Variants in CCDC60 observed in about 807,000 individuals in gnomAD.
CCDC60 encodes coiled-coil domain-containing protein 60.
In CCDC60, 54 loss-of-function variants were observed where a neutral mutation model predicts 63.5. The observed-to-expected ratio is 0.85, with a 90% CI of 0.68 to 1.07. The LOEUF is 1.07. Ranked by LOEUF, CCDC60 falls within the 50% of genes least tolerant of loss-of-function variation. The pLI, the probability that CCDC60 is intolerant of heterozygous loss-of-function variation, is 0.00. For missense variants in CCDC60, 651 were observed against 684.3 expected, an observed-to-expected ratio of 0.95 and a Z score of 0.54; for synonymous variants, 206 against 238.8, an observed-to-expected ratio of 0.86 and a Z score of 1.27.
chr12:119,394,343 C>G (rs551730799), intron 1 of CCDC60, among the ~76,000 whole-genome samples: 14 of 152,278 alleles, frequency 9.2e-5, no homozygotes, highest in Admixed American at 9.1e-4. Flanking sequence ...TCTCCTTTTT[C>G]TTCTTAAAAG....
intron 1 of CCDC60, among the ~76,000 whole-genome samples, chr12:119,414,632 C>T (rs1444006324): frequency 6.6e-6 from 1 of 152,094 alleles, no homozygotes; most frequent in Non-Finnish European, 1.5e-5. Flanking sequence ...CTCACCACAA[C>T]CTCAAACTCT....
chr12:119,495,863 G>A (rs1951705696), intron 5 of CCDC60, among the ~76,000 whole-genome samples: 1 of 152,226 alleles, frequency 6.6e-6, no homozygotes, highest in African/African-American at 2.4e-5. Flanking sequence ...GATACTTTGA[G>A]ATAGCAATGT....
intron 2 of CCDC60, among the ~76,000 whole-genome samples, chr12:119,463,978 CCTTT>C (rs1402582863): frequency 2.8e-4 from 42 of 152,062 alleles, no homozygotes; most frequent in Admixed American, 2.8e-3. Context: ...TTCCTCTCTT[CCTTT>C]CTTTTTTCCT....
rs78283365 is a variant in CCDC60 at position 119,519,944 on chromosome 12, C to G, written c.969-177C>G. Among the ~76,000 whole-genome samples the G allele has an allele frequency of 8.6e-3, 1,310 of 151,992 alleles. 14 individuals are homozygous for G. The highest frequency in any genetic ancestry group is 0.03 in the African/African-American group (1,238 of 41,416). On this transcript the variant is annotated intron_variant, in intron 8 of 13. Coordinates refer to ENST00000327554, the MANE Select transcript of CCDC60 (RefSeq NM_178499.5). Reference sequence around the variant, plus strand: ...CTCCAGGCCTAATGTATTCAAGTCCCAGGAAATGTGGCCGAGGAATCTGTA... The same window carrying G: ...CTCCAGGCCTAATGTATTCAAGTCCGAGGAAATGTGGCCGAGGAATCTGTA...
At chr12:119,338,594 G>A (rs1036629039) in intron 1 of CCDC60, among the ~76,000 whole-genome samples, 1 of 152,158 alleles carries the variant, frequency 6.6e-6, no homozygotes, top group Non-Finnish European at 1.5e-5. Flanking sequence ...TTCTAGTCAA[G>A]CTGTGATAAA....
intron 1 of CCDC60, among the ~76,000 whole-genome samples, chr12:119,337,439 T>C (rs1955483168): frequency 6.6e-6 from 1 of 152,206 alleles, no homozygotes; most frequent in Non-Finnish European, 1.5e-5. Flanking sequence ...GCTTCAGTGC[T>C]GCCATCTGCA....
At chr12:119,509,669 A>G (rs1376763819) in intron 7 of CCDC60, among the ~76,000 whole-genome samples, 3 of 151,950 alleles carry the variant, frequency 2.0e-5, no homozygotes, top group Non-Finnish European at 4.4e-5. Flanking sequence ...GATGATGATG[A>G]TGATGGTGAT....
intron 13 of CCDC60, among the ~76,000 whole-genome samples, chr12:119,538,480 A>G (rs971950599): frequency 1.3e-5 from 2 of 152,188 alleles, no homozygotes; most frequent in African/African-American, 4.8e-5. Flanking sequence ...AAATGCAGAA[A>G]TCACCTGTCT....
At chr12:119,448,427 G>A (rs1049084788) in intron 2 of CCDC60, among the ~76,000 whole-genome samples, 1 of 152,150 alleles carries the variant, frequency 6.6e-6, no homozygotes, top group African/African-American at 2.4e-5. Context: ...CTCCATCTTT[G>A]AAATGATAGT....
chr12:119,397,162 G>A (rs565011891), intron 1 of CCDC60, among the ~76,000 whole-genome samples: 3 of 152,282 alleles, frequency 2.0e-5, no homozygotes, highest in South Asian at 4.2e-4. Context: ...AGACCTTCAT[G>A]GTGAGCATTA....
chr12:119,538,360 C>T (rs137958424), intron 13 of CCDC60, among the ~76,000 whole-genome samples: 212 of 152,334 alleles, frequency 1.4e-3, no homozygotes, highest in African/African-American at 4.8e-3. Flanking sequence ...ACCCCCAACC[C>T]CTTGCACTTC....
At chr12:119,475,139 T>G (rs1356199953) in intron 3 of CCDC60, among the ~76,000 whole-genome samples, 1 of 152,214 alleles carries the variant, frequency 6.6e-6, no homozygotes, top group Non-Finnish European at 1.5e-5. Flanking sequence ...CCAAACTCAA[T>G]GGCACCCATA....
chr12:119,538,231 C>T (rs547228153), intron 13 of CCDC60, among the ~76,000 whole-genome samples: 1 of 152,230 alleles, frequency 6.6e-6, no homozygotes, highest in Non-Finnish European at 1.5e-5. Context: ...GAGCCAGGCG[C>T]ATATAATTTC....
intron 7 of CCDC60, among the ~76,000 whole-genome samples, chr12:119,505,941 A>G (rs1452326635): frequency 8.3e-6 from 1 of 120,678 alleles, no homozygotes; most frequent in African/African-American, 3.3e-5. Flanking sequence ...TATTAATGAG[A>G]TATTTTATAT....
intron 1 of CCDC60, among the ~76,000 whole-genome samples, chr12:119,349,901 T>G (rs1955637721): frequency 6.6e-6 from 1 of 152,186 alleles, no homozygotes; most frequent in East Asian, 1.9e-4. Context: ...CTCTGGAGCC[T>G]GCATAAAAAT....
At chr12:119,487,174 G>A (rs575535283) in intron 4 of CCDC60, among the ~76,000 whole-genome samples, 2 of 152,196 alleles carry the variant, frequency 1.3e-5, no homozygotes, top group African/African-American at 4.8e-5. Flanking sequence ...ATTGACACTG[G>A]TTCAAATTCT....
At chr12:119,487,599 G>A (rs1011854429) in intron 4 of CCDC60, among the ~76,000 whole-genome samples, 6 of 151,646 alleles carry the variant, frequency 4.0e-5, no homozygotes, top group African/African-American at 7.3e-5. Context: ...GCCTGGCCTC[G>A]TTGTGAGCTT....
chr12:119,473,033 C>T (rs570716590), intron 3 of CCDC60, among the ~76,000 whole-genome samples: 20 of 152,286 alleles, frequency 1.3e-4, no homozygotes, highest in Admixed American at 1.2e-3. Flanking sequence ...CACACCTATT[C>T]GGCTAAATTT....
chr12:119,336,763 C>G (rs142826412), intron 1 of CCDC60, among the ~76,000 whole-genome samples: 54 of 152,264 alleles, frequency 3.5e-4, no homozygotes, highest in Non-Finnish European at 5.3e-4. Flanking sequence ...GTGATGTTAA[C>G]GCTGGATAAT....
Sources: allele counts gnomAD v4.1 joint callset (sites outside exome capture counted in the v4.1 genomes callset), GRCh38; gene constraint gnomAD v4.1.1; transcripts MANE v1.5; gene names NCBI Gene and HGNC (gene_info 2026-07-23, HGNC 2026-07-21).